Variants in TM9SF2 observed in about 807,000 individuals in gnomAD.
TM9SF2 encodes the protein transmembrane 9 superfamily member 2.
In TM9SF2, 13 loss-of-function variants were observed where a neutral mutation model predicts 84.9. The observed-to-expected ratio is 0.15, with a 90% CI of 0.10 to 0.24. The LOEUF is 0.24. Ranked by LOEUF, TM9SF2 falls within the 10% of genes least tolerant of loss-of-function variation. The probability of loss-of-function intolerance (pLI) is 1.00; values close to 1 mark genes in which losing one functional copy is unlikely to be tolerated. For synonymous variants in TM9SF2, 273 were observed against 285.8 expected (o/e 0.96, Z 0.45); for missense variants, 562 against 818.5 (o/e 0.69, Z 3.82).
At chr13:99,535,014 T>A (rs1421586604) in intron 4 of TM9SF2, among the ~76,000 whole-genome samples, 1 of 152,032 alleles carries the variant, frequency 6.6e-6, no homozygotes, top group African/African-American at 2.4e-5. Flanking sequence ...TAGCCAGGTG[T>A]GATGGCATGC....
Position 99,563,262 on chromosome 13 carries a change from G to A in TM9SF2, c.*504G>A, listed in dbSNP as rs553174170. The A allele has an allele frequency of 1.3e-5, 2 of 152,384 alleles. No individual in the cohort carries two copies. Among genetic ancestry groups the A allele is most frequent in the African/African-American group, 2.4e-5 (1 of 41,454 alleles). 9.4% of individuals were successfully genotyped at this position (152,384 alleles called of 1,614,324 possible). On this transcript the variant is annotated 3_prime_UTR_variant, in exon 17 of 17. Transcript: ENST00000376387. Reference sequence around the variant, plus strand: ...TTTTAAAGAAAATCTTCTATTGGTTGTAACTGTTCATATCTTCTTACTTTT... The same window carrying A: ...TTTTAAAGAAAATCTTCTATTGGTTATAACTGTTCATATCTTCTTACTTTT...
At chr13:99,528,836 A>G (rs2046195483) in intron 3 of TM9SF2, among the ~76,000 whole-genome samples, 7 of 152,224 alleles carry the variant, frequency 4.6e-5, no homozygotes, top group Admixed American at 3.9e-4. Flanking sequence ...TACATACAAA[A>G]GAGTGGGCTG....
At chr13:99,502,371 G>A (rs1417184952) in intron 1 of TM9SF2, among the ~76,000 whole-genome samples, 1 of 152,178 alleles carries the variant, frequency 6.6e-6, no homozygotes, top group Non-Finnish European at 1.5e-5. Context: ...AACACCCAGA[G>A]CCACACAAAG....
chr13:99,507,451 T>C (rs954891304), intron 1 of TM9SF2, among the ~76,000 whole-genome samples: 2 of 152,240 alleles, frequency 1.3e-5, no homozygotes, highest in African/African-American at 2.4e-5. Context: ...GCAGCTTTGA[T>C]GTGTCTGTGT....
At chr13:99,559,327 G>A (rs776851673) in intron 15 of TM9SF2, 36 bp from the exon 16 acceptor site, 1 of 1,522,908 alleles carries the variant, frequency 6.6e-7, no homozygotes, top group South Asian at 1.3e-5. Context: ...CTATTAATTG[G>A]AATGTAATTC....
intron 10 of TM9SF2, 63 bp downstream of exon 10, chr13:99,544,058 A>G: frequency 4.4e-6 from 7 of 1,585,306 alleles, no homozygotes; most frequent in Non-Finnish European, 6.0e-6. Context: ...TTGCTTAAAA[A>G]CCAGTTTTTC....
chr13:99,545,356 CAACTT>C (rs1276706033), intron 10 of TM9SF2, among the ~76,000 whole-genome samples: 2 of 151,634 alleles, frequency 1.3e-5, no homozygotes, highest in African/African-American at 4.9e-5. Flanking sequence ...AATCTACTAA[CAACTT>C]AAGGAGATAC....
chr13:99,515,932 A>G (rs776612830), intron 1 of TM9SF2, among the ~76,000 whole-genome samples: 7 of 152,202 alleles, frequency 4.6e-5, no homozygotes, highest in African/African-American at 7.2e-5. Flanking sequence ...GGGTTTCGCC[A>G]TGTTGACCAG....
At chr13:99,514,522 A>T (rs2046125998) in intron 1 of TM9SF2, among the ~76,000 whole-genome samples, 1 of 152,140 alleles carries the variant, frequency 6.6e-6, no homozygotes, top group Non-Finnish European at 1.5e-5. Flanking sequence ...CACCATCTAG[A>T]TTTGTGTGGG....
Position 99,520,102 on chromosome 13 carries a change from G to A in TM9SF2, c.306G>A (p.Gly102=). 2 of 1,613,476 alleles carry A rather than the reference G, an allele frequency of 1.2e-6. No homozygotes were observed. The highest frequency in any genetic ancestry group is 1.7e-6 in the Non-Finnish European group (2 of 1,179,700). ...PSENLGQVLF[G]ERIEPSPYKF... is the part of the protein sequence containing the mutation. ...AAAATCTTGGTCAGGTACTATTCGG[G>A]GAAAGAATTGAACCTTCACCATATA... Residue 102 remains glycine, a synonymous_variant, in exon 3 of 17, where the codon GGG becomes GGA. Transcript: ENST00000376387.
chr13:99,549,576 GT>G (rs1335270719), intron 12 of TM9SF2, among the ~76,000 whole-genome samples: 1 of 152,012 alleles, frequency 6.6e-6, no homozygotes, highest in Non-Finnish European at 1.5e-5. Context: ...GCAAGCATAT[GT>G]TTTCCCATTT....
intron 4 of TM9SF2, among the ~76,000 whole-genome samples, chr13:99,533,082 A>G (rs906583209): frequency 1.3e-5 from 2 of 152,216 alleles, no homozygotes; most frequent in African/African-American, 4.8e-5. Context: ...AAGCATAGAC[A>G]GTAGAGTTGA....
chr13:99,557,618 C>T (rs9517772), intron 15 of TM9SF2, among the ~76,000 whole-genome samples: 4,822 of 152,142 alleles, frequency 0.032, 108 homozygotes, highest in Middle Eastern at 0.11. Context: ...TGGTGGTTCA[C>T]GCCTATCTCT....
chr13:99,533,852 G>A (rs1159326389), intron 4 of TM9SF2, among the ~76,000 whole-genome samples: 2 of 152,130 alleles, frequency 1.3e-5, no homozygotes, highest in Non-Finnish European at 2.9e-5. Context: ...TGTATTTTTA[G>A]TAGAGACGGG....
chr13:99,535,610 G>GTTAAATAGC lies in TM9SF2; in HGVS notation c.462-997_462-989dup, dbSNP rs549247349. On this transcript the variant is annotated intron_variant, in intron 4 of 16. Coordinates refer to ENST00000376387, the MANE Select transcript of TM9SF2 (RefSeq NM_004800.3). ...TCTAAAATTTTGTACACTGGGTACT[G>GTTAAATAGC]TTAAATAGCATTTAAAGGTGACGAG... Among the ~76,000 whole-genome samples the GTTAAATAGC allele has an allele frequency of 6.3e-4, 96 of 152,292 alleles. 1 individual carries two copies. The highest frequency in any genetic ancestry group is 3.6e-3 in the Admixed American group (55 of 15,298).
chr13:99,543,163 G>A (rs2046268088), intron 9 of TM9SF2, among the ~76,000 whole-genome samples: 1 of 152,012 alleles, frequency 6.6e-6, no homozygotes, highest in Non-Finnish European at 1.5e-5. Flanking sequence ...ACCTCCCTCC[G>A]ATCTTTACAA....
At chr13:99,515,733 G>GT (rs1225314717) in intron 1 of TM9SF2, among the ~76,000 whole-genome samples, 12 of 104,732 alleles carry the variant, frequency 1.1e-4, no homozygotes, top group East Asian at 2.0e-4. Context: ...GAGAAATACT[G>GT]GTTTTTTTTT....
At chr13:99,514,568 A>G (rs1360100778) in intron 1 of TM9SF2, among the ~76,000 whole-genome samples, 1 of 152,186 alleles carries the variant, frequency 6.6e-6, no homozygotes, top group Non-Finnish European at 1.5e-5. Flanking sequence ...AAATCCCCTA[A>G]TAACACGTTT....
intron 1 of TM9SF2, among the ~76,000 whole-genome samples, chr13:99,516,942 C>T (rs1227149859): frequency 6.6e-6 from 1 of 152,060 alleles, no homozygotes; most frequent in Non-Finnish European, 1.5e-5. Context: ...TTTTGTGCTG[C>T]AGAGTGTAAT....
Sources: allele counts gnomAD v4.1 joint callset (sites outside exome capture counted in the v4.1 genomes callset), GRCh38; gene constraint gnomAD v4.1.1; transcripts MANE v1.5; gene names NCBI Gene and HGNC (gene_info 2026-07-23, HGNC 2026-07-21).